The following GSN variants were observed in gnomAD, a reference collection of about 807,000 sequenced individuals.
GSN encodes the protein actin-depolymerizing factor.
In GSN, 56 loss-of-function variants were observed where a neutral mutation model predicts 85.7. The observed-to-expected ratio is 0.65, with a 90% confidence interval of 0.53 to 0.82. The LOEUF (loss-of-function observed/expected upper bound fraction) is 0.82, where lower values mean the gene tolerates loss of function less well. GSN is among the 40% of genes least tolerant of loss of function. The pLI is 0.00. For missense variants in GSN, 857 were observed against 979.8 expected (o/e 0.87, Z 1.67); for synonymous variants, 373 against 399.1 (o/e 0.93, Z 0.78).
rs1227605292 is a variant in GSN at position 121,310,681 on chromosome 9, C to A, written c.352-3C>A. 1 of 1,614,088 alleles carries A rather than the reference C, an allele frequency of 6.2e-7. No individual in the cohort carries two copies. On this transcript the variant is annotated splice_polypyrimidine_tract_variant and splice_region_variant and intron_variant, in intron 4 of 17. Coordinates refer to ENST00000432226, the MANE Select transcript of GSN (RefSeq NM_198252.3). ...GGCTAATGCTGTCTCTTTGGCCCCACAGAAAGGAGGTGTGGCATCAGGATT... is the reference window on the plus strand; with the variant it reads ...GGCTAATGCTGTCTCTTTGGCCCCAAAGAAAGGAGGTGTGGCATCAGGATT...
intron 13 of GSN, 171 bp from the exon 14 acceptor site, chr9:121,327,137 G>A (rs1454369908): frequency 4.0e-6 from 3 of 757,748 alleles, no homozygotes; most frequent in African/African-American, 1.7e-5. Context: ...GTGACTCATG[G>A]GAGTCAACCA....
intron 13 of GSN, chr9:121,327,055 T>G (rs1274273918): frequency 1.5e-6 from 1 of 678,204 alleles, no homozygotes; most frequent in Non-Finnish European, 2.7e-6. Flanking sequence ...TCACCTCCTT[T>G]GTTCTGGGCA....
chr9:121,262,095 C>T (rs1218768379), intron 6 of GSN, among the ~76,000 whole-genome samples: 1 of 152,176 alleles, frequency 6.6e-6, no homozygotes, highest in Non-Finnish European at 1.5e-5. Flanking sequence ...TACAAAGAAA[C>T]AACGAGCTGT....
intron 4 of GSN, among the ~76,000 whole-genome samples, chr9:121,227,116 T>G (rs777472146): frequency 2.0e-5 from 3 of 152,102 alleles, no homozygotes; most frequent in Non-Finnish European, 4.4e-5. Flanking sequence ...ACTGAAGGCT[T>G]GGCATGGTGG....
intron 4 of GSN, among the ~76,000 whole-genome samples, chr9:121,225,477 G>A (rs1302280651): frequency 6.6e-6 from 1 of 152,230 alleles, no homozygotes; most frequent in Non-Finnish European, 1.5e-5. Context: ...GGCTGTTAGA[G>A]CTGTCATTAT....
At chr9:121,285,128 G>A (rs2057914516) in intron 2 of GSN, 1 of 167,260 alleles carries the variant, frequency 6.0e-6, no homozygotes, top group South Asian at 2.1e-4. Flanking sequence ...CTCAGCCTCA[G>A]TTTCCACATC....
intron 14 of GSN, 84 bp from the exon 15 acceptor site, chr9:121,328,807 G>A (rs1472867562): frequency 6.9e-7 from 1 of 1,456,112 alleles, no homozygotes; most frequent in Non-Finnish European, 9.5e-7. Context: ...GGTTGCGCTT[G>A]GGCAGGGCTG....
intron 12 of GSN, among the ~76,000 whole-genome samples, chr9:121,326,073 C>T (rs2063128421): frequency 6.6e-6 from 1 of 150,672 alleles, no homozygotes; most frequent in Admixed American, 6.6e-5. Context: ...CTGCCCGCAT[C>T]TGGGGTGCAC....
intron 2 of GSN, among the ~76,000 whole-genome samples, chr9:121,298,681 G>T (rs141566475): frequency 6.6e-6 from 1 of 152,356 alleles, no homozygotes; most frequent in East Asian, 1.9e-4. Flanking sequence ...ATGAAAGCCA[G>T]CTCTCCAACT....
At chr9:121,206,342 G>A (rs550974646), upstream of GSN, among the ~76,000 whole-genome samples, 6 of 152,090 alleles carry the variant, frequency 3.9e-5, no homozygotes, top group African/African-American at 1.4e-4. Flanking sequence ...AAATTTAGTA[G>A]GTTGACAAAG....
chr9:121,289,258 AC>A (rs1307908298), intron 2 of GSN, among the ~76,000 whole-genome samples: 1 of 151,432 alleles, frequency 6.6e-6, no homozygotes, highest in African/African-American at 2.4e-5. Context: ...GGCCAGAGTA[AC>A]CCCCCGCCAT....
upstream of GSN, among the ~76,000 whole-genome samples, chr9:121,264,873 T>A (rs546637748): frequency 6.6e-6 from 1 of 152,178 alleles, no homozygotes; most frequent in Non-Finnish European, 1.5e-5. Flanking sequence ...TGATCCAACT[T>A]AGAATGTGGA....
At chr9:121,253,718 C>A (rs2054888654) in intron 6 of GSN, among the ~76,000 whole-genome samples, 1 of 152,174 alleles carries the variant, frequency 6.6e-6, no homozygotes. Flanking sequence ...CTATTTGGTG[C>A]AGGAACTGGC....
intron 6 of GSN, chr9:121,312,854 C>T (rs1001464162): frequency 3.0e-5 from 5 of 168,094 alleles, no homozygotes; most frequent in African/African-American, 1.2e-4. Flanking sequence ...TCTCCAACTT[C>T]TGGGGTCAAA....
chr9:121,229,647 A>G (rs1408137588), intron 4 of GSN, among the ~76,000 whole-genome samples: 3 of 152,194 alleles, frequency 2.0e-5, no homozygotes, highest in Non-Finnish European at 2.9e-5. Flanking sequence ...GTGTCTTTCC[A>G]GGGTGTCACA....
Position 121,286,172 on chromosome 9 carries a change from A to G in GSN, c.-10+4610A>G, listed in dbSNP as rs991584045. 1.7e-5 allele frequency: 26 copies of G among 1,533,592 alleles called. No homozygotes were observed. In the African/African-American group the frequency reaches 2.5e-4, roughly 15 times the overall value. The allele number at this position is 1,533,592 out of a possible 1,614,324, so 95.0% of individuals were successfully genotyped here. ...GCCGAGGAAGAAGCCCTCAGGGGCA[A>G]TTCTGACCCATGGGTGAGTAGCACG... On this transcript the variant is annotated intron_variant, in intron 2 of 17. Coordinates refer to ENST00000432226, the MANE Select transcript of GSN (RefSeq NM_198252.3).
intron 4 of GSN, among the ~76,000 whole-genome samples, chr9:121,307,362 C>T (rs1029009294): frequency 6.6e-6 from 1 of 152,142 alleles, no homozygotes; most frequent in Non-Finnish European, 1.5e-5. Context: ...CCCCCCATTT[C>T]CTTGTCTCCG....
chr9:121,295,331 G>A (rs2133019642), intron 2 of GSN, among the ~76,000 whole-genome samples: 1 of 152,332 alleles, frequency 6.6e-6, no homozygotes, highest in African/African-American at 2.4e-5. Context: ...TGGCTTCTCT[G>A]TTTACTGACC....
rs150353588 is a variant in GSN at position 121,301,965 on chromosome 9, C to G, written c.-7C>G. 3 of 1,614,174 alleles carry G rather than the reference C, an allele frequency of 1.9e-6. No individual in the cohort carries two copies. Among genetic ancestry groups the G allele is most frequent in the Non-Finnish European group, 8.5e-7 (1 of 1,180,006 alleles). ...GGCTCTGCCCTGTCTCATCCCAGCC[C>G]AACAGCATGGTGGTGGAACACCCCG... On this transcript the variant is annotated splice_region_variant and 5_prime_UTR_variant, in exon 3 of 18. Coordinates refer to ENST00000432226, the MANE Select transcript of GSN (RefSeq NM_198252.3).
Sources: allele counts gnomAD v4.1 joint callset (sites outside exome capture counted in the v4.1 genomes callset), GRCh38; gene constraint gnomAD v4.1.1; transcripts MANE v1.5; gene names NCBI Gene and HGNC (gene_info 2026-07-23, HGNC 2026-07-21).